CSNK2A2IP: variants seen among roughly 807,000 people sequenced by gnomAD.
CSNK2A2IP encodes casein kinase 2 subunit alpha' interacting protein, also known as casein kinase II subunit alpha'-interacting protein.
the CSNK2A2IP span, chr3:88,338,500 G>T: frequency 9.2e-5 from 14 of 152,054 alleles, no homozygotes; most frequent in Non-Finnish European, 1.9e-4. Context: ...AGACTATTAA[G>T]GCTCTCATGT....
chr3:88,390,693 A>G, the CSNK2A2IP span, among the ~76,000 whole-genome samples: 3 of 152,246 alleles, frequency 2.0e-5, no homozygotes, highest in African/African-American at 7.2e-5. Flanking sequence ...TTCATGGAGT[A>G]TTAACTGAGG....
chr3:88,390,411 A>G, the CSNK2A2IP span, among the ~76,000 whole-genome samples: 2 of 152,198 alleles, frequency 1.3e-5, no homozygotes, highest in Non-Finnish European at 2.9e-5. Flanking sequence ...ACTGACCTGG[A>G]ACTGTTGAGA....
the CSNK2A2IP span, among the ~76,000 whole-genome samples, chr3:88,391,199 G>A: frequency 1.1e-4 from 16 of 152,162 alleles, no homozygotes; most frequent in African/African-American, 3.9e-4. Flanking sequence ...TAGATACCCT[G>A]ATATTAATAC....
the CSNK2A2IP span, among the ~76,000 whole-genome samples, chr3:88,422,458 T>C: frequency 0.039 from 5,869 of 152,268 alleles, 351 homozygotes; most frequent in African/African-American, 0.13. Context: ...AGCTTTAAGA[T>C]ACCACCCACA....
chr3:88,440,326 T>G, the CSNK2A2IP span, among the ~76,000 whole-genome samples: 3 of 152,156 alleles, frequency 2.0e-5, no homozygotes, highest in African/African-American at 7.2e-5. Flanking sequence ...TAAAAAGAAT[T>G]GAGTAACAAT....
the CSNK2A2IP span, among the ~76,000 whole-genome samples, chr3:88,428,136 T>G: frequency 6.6e-6 from 1 of 152,172 alleles, no homozygotes; most frequent in Admixed American, 6.5e-5. Flanking sequence ...AAGGAGATCA[T>G]TTCAGAGCTT....
At chr3:88,436,340 C>T in the CSNK2A2IP span, among the ~76,000 whole-genome samples, 1 of 152,042 alleles carries the variant, frequency 6.6e-6, no homozygotes, top group African/African-American at 2.4e-5. Flanking sequence ...CAAAATAGAA[C>T]AGGTTGATTG....
chr3:88,376,149 A>G, the CSNK2A2IP span, among the ~76,000 whole-genome samples: 4 of 151,394 alleles, frequency 2.6e-5, no homozygotes, highest in African/African-American at 9.7e-5. Context: ...TTGCCACATT[A>G]TTTCCTCTTT....
chr3:88,441,670 A>C, the CSNK2A2IP span, among the ~76,000 whole-genome samples: 1 of 152,132 alleles, frequency 6.6e-6, no homozygotes, highest in Admixed American at 6.5e-5. Context: ...GTTAGGTAGA[A>C]TTGTGTTAGA....
At chr3:88,384,513 G>A in the CSNK2A2IP span, among the ~76,000 whole-genome samples, 204 of 152,288 alleles carry the variant, frequency 1.3e-3, 2 homozygotes, top group African/African-American at 4.4e-3. Context: ...TGGTGCGGCT[G>A]TTGTATAGTG....
the CSNK2A2IP span, among the ~76,000 whole-genome samples, chr3:88,377,742 T>A: frequency 6.6e-6 from 1 of 151,916 alleles, no homozygotes; most frequent in Non-Finnish European, 1.5e-5. Context: ...AAAAAAGGTG[T>A]GTAAGTAATA....
the CSNK2A2IP span, among the ~76,000 whole-genome samples, chr3:88,377,177 T>TCTTAACCTGAAGTC: frequency 2.0e-5 from 3 of 151,796 alleles, no homozygotes; most frequent in African/African-American, 7.3e-5. Context: ...CTGCTGAAGA[T>TCTTAACCTGAAGTC]CTTAACCTGA....
the CSNK2A2IP span, among the ~76,000 whole-genome samples, chr3:88,427,693 T>C: frequency 7.2e-5 from 11 of 152,162 alleles, no homozygotes; most frequent in Non-Finnish European, 1.3e-4. Flanking sequence ...GCCTTCAACA[T>C]GGTATTGGGC....
the CSNK2A2IP span, among the ~76,000 whole-genome samples, chr3:88,360,254 C>T: frequency 6.6e-6 from 1 of 151,856 alleles, no homozygotes; most frequent in Non-Finnish European, 1.5e-5. Context: ...CTGCCTCAGC[C>T]TCCCGAGTAG....
At chr3:88,362,360 C>A in the CSNK2A2IP span, among the ~76,000 whole-genome samples, 2 of 152,212 alleles carry the variant, frequency 1.3e-5, no homozygotes, top group African/African-American at 2.4e-5. Flanking sequence ...TTCTTGCAGA[C>A]TTCTAGATAG....
At chr3:88,446,029 CTTTT>C in the CSNK2A2IP span, among the ~76,000 whole-genome samples, 2 of 33,266 alleles carry the variant, frequency 6.0e-5, no homozygotes, top group East Asian at 5.3e-4. Flanking sequence ...TTCTTTGTTT[CTTTT>C]CTTTCTTTCT....
the CSNK2A2IP span, among the ~76,000 whole-genome samples, chr3:88,438,975 A>G: frequency 6.6e-6 from 1 of 151,962 alleles, no homozygotes; most frequent in Non-Finnish European, 1.5e-5. Flanking sequence ...TGTCTCACCT[A>G]CTTTGCATTC....
chr3:88,446,030 TTTTCTTTCTTTCTTTCTTTCTTTCTTTC>T, the CSNK2A2IP span, among the ~76,000 whole-genome samples: 97 of 58,178 alleles, frequency 1.7e-3, 2 homozygotes, highest in African/African-American at 2.4e-3. Flanking sequence ...TCTTTGTTTC[TTTTCTTTCTTTCTTTCTTTCTTTCTTTC>T]TTTCTTTCTT....
At chr3:88,444,762 A>T in the CSNK2A2IP span, among the ~76,000 whole-genome samples, 1 of 152,206 alleles carries the variant, frequency 6.6e-6, no homozygotes, top group East Asian at 1.9e-4. Context: ...TAACCTACCA[A>T]ATTATCCATT....
Sources: allele counts gnomAD v4.1 joint callset (sites outside exome capture counted in the v4.1 genomes callset), GRCh38; gene constraint gnomAD v4.1.1; transcripts MANE v1.5; gene names NCBI Gene and HGNC (gene_info 2026-07-23, HGNC 2026-07-21).